The following CTNNA2 variants were observed in gnomAD, a reference collection of about 807,000 sequenced individuals.
The protein encoded by CTNNA2 is catenin alpha-2.
Under a neutral mutation model 101.0 loss-of-function variants are expected in CTNNA2, and 42 were observed. That is an observed-to-expected ratio of 0.42 (90% CI 0.32 to 0.54). The LOEUF is 0.54. Among genes scored for constraint, CTNNA2 ranks in the 20% least tolerant of loss-of-function variants. The pLI is 0.14. For missense variants in CTNNA2, 871 were observed against 1,223.1 expected (o/e 0.71, Z 4.29); for synonymous variants, 450 against 456.4 (o/e 0.99, Z 0.18).
intron 7 of CTNNA2, among the ~76,000 whole-genome samples, chr2:80,280,764 C>G (rs1021742867): frequency 6.6e-6 from 1 of 152,072 alleles, no homozygotes; most frequent in Non-Finnish European, 1.5e-5. Flanking sequence ...CTGTCCTGCT[C>G]AGTCCTGTCT....
chr2:80,171,678 G>A (rs910465547), intron 7 of CTNNA2, among the ~76,000 whole-genome samples: 3 of 152,096 alleles, frequency 2.0e-5, no homozygotes, highest in Non-Finnish European at 2.9e-5. Context: ...GAAAAAAAGC[G>A]ATGCCCAGGG....
intron 7 of CTNNA2, among the ~76,000 whole-genome samples, chr2:80,323,306 C>T (rs1162801263): frequency 6.6e-6 from 1 of 152,192 alleles, no homozygotes; most frequent in East Asian, 1.9e-4. Context: ...TTGAGGCGGT[C>T]TCCCTAGGTG....
intron 7 of CTNNA2, among the ~76,000 whole-genome samples, chr2:80,079,737 C>T (rs1009176597): frequency 2.0e-5 from 3 of 151,740 alleles, no homozygotes; most frequent in African/African-American, 7.3e-5. Flanking sequence ...TGGCGTGAAC[C>T]CGGGAGGCGG....
chr2:79,459,924 T>C (rs1320376521), intron 4 of CTNNA2, among the ~76,000 whole-genome samples: 1 of 152,200 alleles, frequency 6.6e-6, no homozygotes, highest in Non-Finnish European at 1.5e-5. Context: ...ACAACTTATG[T>C]ATTTTCCTAT....
chr2:79,699,173 T>C (rs544739779), intron 2 of CTNNA2, among the ~76,000 whole-genome samples: 4 of 152,242 alleles, frequency 2.6e-5, no homozygotes, highest in Non-Finnish European at 5.9e-5. Context: ...TTTCATAAAC[T>C]TTCCAAATTA....
At chr2:79,558,448 CAT>C (rs1674575618) in intron 1 of CTNNA2, among the ~76,000 whole-genome samples, 1 of 151,828 alleles carries the variant, frequency 6.6e-6, no homozygotes, top group Non-Finnish European at 1.5e-5. Flanking sequence ...GCTTTTATGA[CAT>C]ACAGTAGTGC....
At chr2:80,082,182 C>T (rs531422548) in intron 7 of CTNNA2, among the ~76,000 whole-genome samples, 1 of 152,110 alleles carries the variant, frequency 6.6e-6, no homozygotes, top group Non-Finnish European at 1.5e-5. Context: ...TTTTCTAGTT[C>T]AATAACTTTA....
At chr2:79,625,964 T>C (rs1679275897) in intron 1 of CTNNA2, among the ~76,000 whole-genome samples, 1 of 152,196 alleles carries the variant, frequency 6.6e-6, no homozygotes, top group Non-Finnish European at 1.5e-5. Flanking sequence ...CTGGGCTTCT[T>C]GGAGCAGGTC....
At chr2:80,223,992 T>G (rs1212126139) in intron 7 of CTNNA2, among the ~76,000 whole-genome samples, 1 of 152,202 alleles carries the variant, frequency 6.6e-6, no homozygotes, top group African/African-American at 2.4e-5. Flanking sequence ...CAGTTCCTAG[T>G]GTGCCATTGG....
chr2:80,447,619 T>C (rs1166532104), intron 9 of CTNNA2, among the ~76,000 whole-genome samples: 1 of 152,224 alleles, frequency 6.6e-6, no homozygotes, highest in Non-Finnish European at 1.5e-5. Context: ...AGTGGAATTA[T>C]TCCTCCTTTC....
At position 79,269,058 on chromosome 2, in the gene CTNNA2, A is replaced by G. The variant is rs545879582; in HGVS notation, c.-405-43651A>G. Reference sequence around the variant, plus strand: ...GGGGCCAGATCGTTACCAAGGCTCTATCTATGCGGTATGTTAGAAATTGAT... The same window carrying G: ...GGGGCCAGATCGTTACCAAGGCTCTGTCTATGCGGTATGTTAGAAATTGAT... On this transcript the variant is annotated intron_variant, in intron 2 of 21. Transcript: ENST00000466387. 3.3e-5 allele frequency among the ~76,000 whole-genome samples: 5 copies of G among 152,152 alleles called. No individual in the cohort carries two copies. In the South Asian group the frequency reaches 8.3e-4, roughly 25 times the overall value.
chr2:79,226,169 G>A (rs969002252), intron 2 of CTNNA2, among the ~76,000 whole-genome samples: 7 of 152,106 alleles, frequency 4.6e-5, no homozygotes, highest in East Asian at 1.9e-4. Context: ...AGCCTGAAAC[G>A]AAACTTTATC....
chr2:80,303,099 G>T lies in CTNNA2; in HGVS notation c.1057-90112G>T, dbSNP rs1410901637. ...ACCACAATGGCCACCTTGTTCCTCC[G>T]CAGGCAGAGCGAGTGCAGGGAGATG... is the stretch of plus-strand genomic sequence containing the variant. On this transcript the variant is annotated intron_variant, in intron 7 of 18. Coordinates refer to ENST00000402739, the MANE Select transcript of CTNNA2 (RefSeq NM_001282597.3). This position sits in a 1 kb window ranked among gnomAD's most constrained non-coding sequence, Gnocchi z 7.7. 3 of 1,614,076 alleles carry T rather than the reference G, an allele frequency of 1.9e-6. No individual in the cohort carries two copies. The highest frequency in any genetic ancestry group is 1.3e-5 in the African/African-American group (1 of 74,996).
chr2:79,565,599 A>G (rs1276011019), intron 1 of CTNNA2, among the ~76,000 whole-genome samples: 1 of 152,158 alleles, frequency 6.6e-6, no homozygotes. Flanking sequence ...TTCAGGAGGT[A>G]GATAGAACCT....
intron 7 of CTNNA2, among the ~76,000 whole-genome samples, chr2:80,065,268 T>C (rs1251821839): frequency 6.6e-6 from 1 of 152,144 alleles, no homozygotes; most frequent in South Asian, 2.1e-4. Flanking sequence ...GATGAGGATC[T>C]TCTGGTTCAC....
chr2:79,369,347 C>T (rs923423499), intron 3 of CTNNA2, among the ~76,000 whole-genome samples: 2 of 152,150 alleles, frequency 1.3e-5, no homozygotes, highest in African/African-American at 2.4e-5. Context: ...CTGAGCTTCC[C>T]CCGCAGCCCC....
chr2:79,988,336 T>A lies in CTNNA2; in HGVS notation c.1056+78539T>A, dbSNP rs551228910. On this transcript the variant is annotated intron_variant, in intron 7 of 18. Coordinates refer to ENST00000402739, the MANE Select transcript of CTNNA2 (RefSeq NM_001282597.3). ...GGAGGCCAGGTGCCTCTATGATGTGTCTATTTGAATATTTAGCACTTGTCC... is the reference window on the plus strand; with the variant it reads ...GGAGGCCAGGTGCCTCTATGATGTGACTATTTGAATATTTAGCACTTGTCC... 1.3e-5 allele frequency among the ~76,000 whole-genome samples: 2 copies of A among 152,274 alleles called. 1 individual carries two copies. Among genetic ancestry groups the A allele is most frequent in the African/African-American group, 4.8e-5 (2 of 41,554 alleles).
intron 7 of CTNNA2, among the ~76,000 whole-genome samples, chr2:80,350,237 A>G (rs1673157042): frequency 6.6e-6 from 1 of 152,176 alleles, no homozygotes; most frequent in Non-Finnish European, 1.5e-5. Flanking sequence ...GGCCCTGAAC[A>G]CTAAATGCCC....
At chr2:80,388,979 C>A (rs752316845) in intron 7 of CTNNA2, among the ~76,000 whole-genome samples, 1 of 152,188 alleles carries the variant, frequency 6.6e-6, no homozygotes, top group Non-Finnish European at 1.5e-5. Flanking sequence ...TTAGAAATAT[C>A]TCAGACTAGT....
Sources: gnomAD v4.1 joint callset for allele counts (sites outside exome capture counted in the v4.1 genomes callset) on GRCh38, gnomAD v4.1.1 for gene constraint, Gnocchi (gnomAD v3.1) non-coding constraint, MANE v1.5 for transcripts, NCBI Gene and HGNC (gene_info 2026-07-23, HGNC 2026-07-21) for gene names.